Variants in CACNA1E observed in about 807,000 individuals in gnomAD.
The protein encoded by CACNA1E is voltage-dependent R-type calcium channel subunit alpha-1E.
In CACNA1E, 40 loss-of-function variants were observed where a neutral mutation model predicts 259.2. That is an observed-to-expected ratio of 0.15 (90% CI 0.12 to 0.20). The LOEUF (loss-of-function observed/expected upper bound fraction) is 0.20. Among genes scored for constraint, CACNA1E ranks in the 10% least tolerant of loss-of-function variants. The pLI is 1.00. For missense variants in CACNA1E, 1,874 were observed against 3,040.1 expected (o/e 0.62, Z 9.02); for synonymous variants, 1,104 against 1,138.5 (o/e 0.97, Z 0.61).
At chr1:181,459,307 G>A (rs931691431) in intron 2 of CACNA1E, among the ~76,000 whole-genome samples, 1 of 152,264 alleles carries the variant, frequency 6.6e-6, no homozygotes, top group Non-Finnish European at 1.5e-5. Flanking sequence ...GTGAGCCGGT[G>A]AGCACTTGGG....
At chr1:181,789,672 T>C (rs1661127324) in intron 43 of CACNA1E, among the ~76,000 whole-genome samples, 1 of 152,228 alleles carries the variant, frequency 6.6e-6, no homozygotes, top group South Asian at 2.1e-4. Flanking sequence ...GCTTGGCTGC[T>C]TCTTTCTCTC....
At chr1:181,747,580 G>A (rs1165261186) in intron 25 of CACNA1E, among the ~76,000 whole-genome samples, 1 of 151,676 alleles carries the variant, frequency 6.6e-6, no homozygotes. Context: ...GTGTGGAATT[G>A]TCCTTAGATT....
intron 7 of CACNA1E, among the ~76,000 whole-genome samples, chr1:181,655,150 A>T (rs1319129341): frequency 6.6e-6 from 1 of 152,124 alleles, no homozygotes; most frequent in Non-Finnish European, 1.5e-5. Flanking sequence ...ATGTATTATA[A>T]TTTTTTTAAA....
At chr1:181,708,086 C>T (rs115708098) in intron 7 of CACNA1E, among the ~76,000 whole-genome samples, 1,864 of 152,204 alleles carry the variant, frequency 0.012, 22 homozygotes, top group Non-Finnish European at 0.021. Context: ...TAGCCTTGAA[C>T]GCCCATCCTG....
intron 7 of CACNA1E, among the ~76,000 whole-genome samples, chr1:181,654,982 C>CAAAAAAAAAAA (rs1208750325): frequency 3.7e-5 from 2 of 53,390 alleles, no homozygotes; most frequent in African/African-American, 5.4e-5. Flanking sequence ...GACTCCATCT[C>CAAAAAAAAAAA]AAAAAAAAAA....
chr1:181,440,932 G>C (rs1660421212), intron 2 of CACNA1E, among the ~76,000 whole-genome samples: 1 of 143,300 alleles, frequency 7.0e-6, no homozygotes, highest in South Asian at 2.3e-4. Context: ...AGTGAGCCAT[G>C]GTCATGCCAT....
Position 181,732,791 on chromosome 1 carries a change from G to A in CACNA1E, c.2705G>A (p.Gly902Glu), listed in dbSNP as rs1291056979. Residue 902 changes from glycine (G) to glutamate (E), a missense_variant, in exon 20 of 48, where the codon GGA (glycine) becomes GAA (glutamate). By Grantham distance (98) the Gly-to-Glu change is moderately conservative (BLOSUM62 -2). Coordinates refer to ENST00000367573, the MANE Select transcript of CACNA1E (RefSeq NM_001205293.3). The surrounding 1 kb of genome is among the most constrained non-coding windows in gnomAD (Gnocchi z 5.5). ...CCGACTCAGCAGGAGGCAGGGGGAG[G>A]AGAGGCTGTGGTGACCTTTGAGGAC... The part of the protein sequence containing the change: ...CDPTQQEAGG[G>E]EAVVTFEDRA... 4.4e-6 allele frequency: 7 copies of A among 1,597,548 alleles called. No individual in the cohort carries two copies. Among genetic ancestry groups the A allele is most frequent in the Non-Finnish European group, 5.1e-6 (6 of 1,171,252 alleles).
At position 181,719,804 on chromosome 1, in the gene CACNA1E, G is replaced by A. The variant is rs372308100; in HGVS notation, c.1692G>A (p.Thr564=). The A allele has an allele frequency of 4.1e-5, 66 of 1,605,190 alleles. No individual in the cohort carries two copies. The highest frequency in any genetic ancestry group is 4.7e-5 in the Non-Finnish European group (55 of 1,175,844). ...TCTGGGCAATCTTCAGACCTGGTAC[G>A]TCTTTTGGAATCAGTGTCTTGCGAG... ...EVVWAIFRPG[T]SFGISVLRAL... is the part of the protein sequence containing the mutation. Residue 564 remains threonine, a synonymous_variant, in exon 13 of 48, where the codon ACG becomes ACA. Transcript: ENST00000367573.
At chr1:181,432,488 GAC>G (rs1659787976) in intron 2 of CACNA1E, among the ~76,000 whole-genome samples, 1 of 151,974 alleles carries the variant, frequency 6.6e-6, no homozygotes, top group African/African-American at 2.4e-5. Flanking sequence ...TTTTCACAAA[GAC>G]AGTTTTCAAA....
chr1:181,642,383 T>C (rs1213663637), intron 6 of CACNA1E, among the ~76,000 whole-genome samples: 1 of 152,096 alleles, frequency 6.6e-6, no homozygotes, highest in Admixed American at 6.5e-5. Context: ...AAGGACTGAT[T>C]CCTGACAACC....
At chr1:181,438,738 G>A (rs530111154) in intron 2 of CACNA1E, among the ~76,000 whole-genome samples, 3 of 152,310 alleles carry the variant, frequency 2.0e-5, no homozygotes, top group South Asian at 4.1e-4. Flanking sequence ...ACTGGTGGGA[G>A]CATAACTGGT....
intron 1 of CACNA1E, among the ~76,000 whole-genome samples, chr1:181,404,889 G>A (rs1376557114): frequency 6.6e-6 from 1 of 152,232 alleles, no homozygotes; most frequent in African/African-American, 2.4e-5. Context: ...AGGCACTCGA[G>A]GGCTGTGAGG....
intron 2 of CACNA1E, among the ~76,000 whole-genome samples, chr1:181,434,844 G>A (rs1232942279): frequency 6.6e-6 from 1 of 152,214 alleles, no homozygotes; most frequent in South Asian, 2.1e-4. Context: ...AGGCTTCCGT[G>A]CAGCGGAGGG....
intron 2 of CACNA1E, among the ~76,000 whole-genome samples, chr1:181,449,963 A>T (rs1052833284): frequency 1.8e-4 from 28 of 152,164 alleles, no homozygotes; most frequent in African/African-American, 6.8e-4. Flanking sequence ...ATAAAGACAT[A>T]CTGAGAATGG....
chr1:181,488,043 G>T (rs960734765), intron 1 of CACNA1E, among the ~76,000 whole-genome samples: 1 of 152,160 alleles, frequency 6.6e-6, no homozygotes, highest in Non-Finnish European at 1.5e-5. Context: ...GAATTTCACT[G>T]TATCCCCAAA....
chr1:181,483,520 C>A lies in CACNA1E; in HGVS notation c.-225C>A. 1.2e-4 allele frequency: 22 copies of A among 188,730 alleles called. No individual in the cohort carries two copies. The highest frequency in any genetic ancestry group is 1.5e-4 in the Non-Finnish European group (15 of 99,892). The allele number at this position is 188,730 out of a possible 1,614,324, so 11.7% of individuals were successfully genotyped here. On this transcript the variant is annotated 5_prime_UTR_variant, in exon 1 of 48. Coordinates refer to ENST00000367573, the MANE Select transcript of CACNA1E (RefSeq NM_001205293.3). ...TTTTTTCTTTTTTTTTTTTTTCCTT[C>A]TTGAGGAATGGAGCTTCGCAGAGGT...
At chr1:181,476,956 C>T (rs1407321647) in intron 2 of CACNA1E, among the ~76,000 whole-genome samples, 5 of 152,154 alleles carry the variant, frequency 3.3e-5, no homozygotes, top group Admixed American at 1.3e-4. Flanking sequence ...ACCTCCAAAT[C>T]AACTTTCCCA....
At chr1:181,492,393 T>G (rs1664393827) in intron 1 of CACNA1E, among the ~76,000 whole-genome samples, 1 of 152,180 alleles carries the variant, frequency 6.6e-6, no homozygotes, top group South Asian at 2.1e-4. Context: ...TCATTACCAC[T>G]TTTTTTGTTC....
At chr1:181,676,120 A>G (rs922401699) in intron 7 of CACNA1E, among the ~76,000 whole-genome samples, 1 of 152,190 alleles carries the variant, frequency 6.6e-6, no homozygotes, top group Non-Finnish European at 1.5e-5. Context: ...TCTCCCCAGC[A>G]AAGTGTCCCA....
Sources: allele counts gnomAD v4.1 joint callset (sites outside exome capture counted in the v4.1 genomes callset), GRCh38; gene constraint gnomAD v4.1.1; non-coding constraint Gnocchi (gnomAD v3.1); transcripts MANE v1.5; gene names NCBI Gene and HGNC (gene_info 2026-07-23, HGNC 2026-07-21).